Variants in TEX36 observed in about 807,000 individuals in gnomAD.
TEX36 encodes the protein testis expressed 36.
A neutral mutation model predicts 13.6 loss-of-function variants in TEX36; 12 were observed. The ratio of observed to expected loss-of-function variants is 0.88; its 90% CI spans 0.56 to 1.43. TEX36 has a LOEUF of 1.43. TEX36 is among the 40% of genes most tolerant of loss of function. TEX36 has a pLI of 0.00. For missense variants in TEX36, 224 were observed against 228.3 expected (o/e 0.98, Z 0.12); for synonymous variants, 93 against 83.0 (o/e 1.12, Z -0.65).
intron 3 of TEX36, among the ~76,000 whole-genome samples, chr10:125,642,349 C>T (rs1014842024): frequency 7.2e-5 from 11 of 152,198 alleles, no homozygotes; most frequent in African/African-American, 2.2e-4. Context: ...ATGTCACAAA[C>T]CTGCCTGTTA....
downstream of TEX36, among the ~76,000 whole-genome samples, chr10:125,618,124 G>C (rs1846381871): frequency 6.6e-6 from 1 of 152,072 alleles, no homozygotes; most frequent in Non-Finnish European, 1.5e-5. Context: ...TCGAACCTTG[G>C]TTTTCAGCTC....
At chr10:125,672,233 T>C (rs1017122709) in intron 1 of TEX36, among the ~76,000 whole-genome samples, 1 of 152,216 alleles carries the variant, frequency 6.6e-6, no homozygotes, top group African/African-American at 2.4e-5. Flanking sequence ...GTGTGTCAAT[T>C]TGAGATCTTT....
chr10:125,610,700 A>T (rs1455475000), intron 3 of TEX36, among the ~76,000 whole-genome samples: 1 of 151,892 alleles, frequency 6.6e-6, no homozygotes, highest in Non-Finnish European at 1.5e-5. Flanking sequence ...CCAATATTTT[A>T]TGTTATGGTT....
At chr10:125,665,689 G>T (rs925660471) in intron 1 of TEX36, among the ~76,000 whole-genome samples, 1 of 152,054 alleles carries the variant, frequency 6.6e-6, no homozygotes, top group Non-Finnish European at 1.5e-5. Flanking sequence ...GGTTATTCTG[G>T]CTCTTTTTTA....
Position 125,661,864 on chromosome 10 carries a change from T to C in TEX36, c.165A>G (p.Ile55Met). The C allele has an allele frequency of 4.5e-6, 7 of 1,551,866 alleles. No individual in the cohort carries two copies. Among genetic ancestry groups the C allele is most frequent in the Non-Finnish European group, 6.1e-6 (7 of 1,147,016 alleles). Residue 55 changes from isoleucine to methionine, a missense_variant, in exon 2 of 4, where the codon ATA becomes ATG. Transcript: ENST00000368821. ...GACTCACCTTCTCCCGGACTTTGTA[T>C]ATGGGCGGCAGCTTCCCCTCCGCTT... ...PRQAEGKLPP[I>M]YKVREKQAVN...
At chr10:125,658,398 T>G (rs1433107820) in intron 3 of TEX36, among the ~76,000 whole-genome samples, 1 of 151,990 alleles carries the variant, frequency 6.6e-6, no homozygotes, top group Non-Finnish European at 1.5e-5. Context: ...TGCAGAAAGA[T>G]AAGGTATTAA....
intron 3 of TEX36, among the ~76,000 whole-genome samples, chr10:125,586,272 T>C (rs117959444): frequency 1.4e-3 from 211 of 152,368 alleles, no homozygotes; most frequent in Non-Finnish European, 2.3e-3. Context: ...TACTCTCATC[T>C]ATGCTATTTC....
intron 3 of TEX36, chr10:125,640,034 G>T (rs770665033): frequency 2.2e-5 from 8 of 364,094 alleles, no homozygotes; most frequent in Non-Finnish European, 3.1e-5. Context: ...CAGCAGAGAA[G>T]GCGTAGTATT....
At chr10:125,636,202 AAT>A (rs1846621622) in intron 3 of TEX36, among the ~76,000 whole-genome samples, 1 of 134,394 alleles carries the variant, frequency 7.4e-6, no homozygotes, top group African/African-American at 3.3e-5. Flanking sequence ...GTGTTTGCTG[AAT>A]TTTTTTTTTT....
At chr10:125,671,767 T>C (rs904657120) in intron 1 of TEX36, among the ~76,000 whole-genome samples, 4 of 152,290 alleles carry the variant, frequency 2.6e-5, no homozygotes, top group Admixed American at 6.5e-5. Context: ...GTCCTGAGCT[T>C]TGTTTGGTTG....
intron 3 of TEX36, among the ~76,000 whole-genome samples, chr10:125,607,686 G>A (rs1846232148): frequency 6.6e-6 from 1 of 151,852 alleles, no homozygotes; most frequent in East Asian, 1.9e-4. Context: ...TAGGCCCTGG[G>A]AGCATAAGAC....
intron 1 of TEX36, among the ~76,000 whole-genome samples, chr10:125,678,534 C>T (rs987043927): frequency 3.3e-5 from 5 of 152,170 alleles, no homozygotes; most frequent in Non-Finnish European, 7.4e-5. Flanking sequence ...CTAGTAGTGG[C>T]AGCAATGAAC....
chr10:125,589,859 G>A (rs1463229227), intron 3 of TEX36, among the ~76,000 whole-genome samples: 1 of 152,140 alleles, frequency 6.6e-6, no homozygotes, highest in Non-Finnish European at 1.5e-5. Flanking sequence ...GAAGAAATAT[G>A]ATTCAGTGTA....
intron 3 of TEX36, among the ~76,000 whole-genome samples, chr10:125,637,330 T>C (rs1035291891): frequency 1.3e-5 from 2 of 151,592 alleles, no homozygotes; most frequent in Non-Finnish European, 2.9e-5. Context: ...AAAAGTATAA[T>C]TATGCAGTGT....
chr10:125,650,787 A>G (rs577152233), downstream of TEX36, among the ~76,000 whole-genome samples: 1 of 152,368 alleles, frequency 6.6e-6, no homozygotes, highest in African/African-American at 2.4e-5. Context: ...AGAATCAAAT[A>G]GATACAATAA....
At chr10:125,646,551 G>A (rs1028248211) in intron 3 of TEX36, among the ~76,000 whole-genome samples, 1 of 152,004 alleles carries the variant, frequency 6.6e-6, no homozygotes, top group African/African-American at 2.4e-5. Flanking sequence ...GCTCAAGAAA[G>A]GAATTAGTAA....
chr10:125,618,143 C>A (rs1002861955), downstream of TEX36, among the ~76,000 whole-genome samples: 7 of 152,140 alleles, frequency 4.6e-5, no homozygotes. Flanking sequence ...TCCATCAGCT[C>A]CTTTAAGCAC....
intron 3 of TEX36, among the ~76,000 whole-genome samples, chr10:125,589,157 G>T (rs1051618624): frequency 6.6e-6 from 1 of 152,084 alleles, no homozygotes; most frequent in Admixed American, 6.5e-5. Context: ...AGAACTACCC[G>T]TTTATGTTCT....
intron 3 of TEX36, among the ~76,000 whole-genome samples, chr10:125,658,931 G>A (rs910393915): frequency 6.6e-6 from 1 of 151,986 alleles, no homozygotes; most frequent in African/African-American, 2.4e-5. Flanking sequence ...GCAAGTATGT[G>A]AACTAAACAT....
Sources: allele counts gnomAD v4.1 joint callset (sites outside exome capture counted in the v4.1 genomes callset), GRCh38; gene constraint gnomAD v4.1.1; transcripts MANE v1.5; gene names NCBI Gene and HGNC (gene_info 2026-07-23, HGNC 2026-07-21).